Variants in ERBB4 observed in about 807,000 individuals in gnomAD.
The protein encoded by ERBB4 is erb-b2 receptor tyrosine kinase 4.
In ERBB4, 42 loss-of-function variants were observed where a neutral mutation model predicts 158.0. The ratio of observed to expected loss-of-function variants is 0.27; its 90% CI spans 0.21 to 0.34. The LOEUF (loss-of-function observed/expected upper bound fraction) is 0.34. Among genes scored for constraint, ERBB4 ranks in the 10% least tolerant of loss-of-function variants. The probability of loss-of-function intolerance (pLI) is 1.00; values close to 1 mark genes in which losing one functional copy is unlikely to be tolerated. For missense variants in ERBB4, 1,333 were observed against 1,624.1 expected (o/e 0.82, Z 3.08); for synonymous variants, 583 against 558.7 (o/e 1.04, Z -0.61).
intron 2 of ERBB4, among the ~76,000 whole-genome samples, chr2:212,100,542 C>T (rs2079053729): frequency 6.6e-6 from 1 of 152,174 alleles, no homozygotes; most frequent in South Asian, 2.1e-4. Flanking sequence ...AACAGAACTA[C>T]AGTAAATTGG....
At chr2:212,010,736 A>C (rs557234718) in intron 2 of ERBB4, among the ~76,000 whole-genome samples, 1 of 152,176 alleles carries the variant, frequency 6.6e-6, no homozygotes, top group Admixed American at 6.5e-5. Flanking sequence ...TCCCCACCCT[A>C]GTAAGCCTGA....
At chr2:212,481,508 G>C (rs1689696545) in intron 1 of ERBB4, among the ~76,000 whole-genome samples, 1 of 152,080 alleles carries the variant, frequency 6.6e-6, no homozygotes, top group South Asian at 2.1e-4. Context: ...AGCTCTAAAA[G>C]AAGTCACTGA....
At chr2:211,565,294 A>G (rs1203211336) in intron 19 of ERBB4, among the ~76,000 whole-genome samples, 1 of 128,714 alleles carries the variant, frequency 7.8e-6, no homozygotes, top group Non-Finnish European at 1.6e-5. Flanking sequence ...CTGTGGGAAG[A>G]TGGGACAGAG....
intron 1 of ERBB4, among the ~76,000 whole-genome samples, chr2:212,188,500 A>T (rs1464416263): frequency 6.6e-6 from 1 of 151,784 alleles, no homozygotes; most frequent in East Asian, 1.9e-4. Flanking sequence ...TTAAAAACAG[A>T]AAAGCTAATG....
At chr2:211,483,189 A>G (rs2065127241) in intron 20 of ERBB4, among the ~76,000 whole-genome samples, 2 of 152,146 alleles carry the variant, frequency 1.3e-5, no homozygotes, top group African/African-American at 4.8e-5. Flanking sequence ...AAAATAACAC[A>G]GAAAATACGT....
intron 1 of ERBB4, among the ~76,000 whole-genome samples, chr2:212,193,790 T>C (rs1444681617): frequency 6.6e-6 from 1 of 152,104 alleles, no homozygotes; most frequent in Non-Finnish European, 1.5e-5. Context: ...CCTAGGGATG[T>C]ATGTAGATGA....
intron 2 of ERBB4, among the ~76,000 whole-genome samples, chr2:212,094,191 C>T (rs1311003113): frequency 6.6e-6 from 1 of 151,424 alleles, no homozygotes; most frequent in Non-Finnish European, 1.5e-5. Context: ...TTGGTGCCCG[C>T]CCTGTGGTCA....
intron 3 of ERBB4, among the ~76,000 whole-genome samples, chr2:211,809,538 C>G (rs1461210928): frequency 6.6e-6 from 1 of 151,928 alleles, no homozygotes; most frequent in Admixed American, 6.6e-5. Context: ...TGGTGATATC[C>G]CCTTTATCGT....
chr2:211,569,353 C>A (rs189706597), intron 19 of ERBB4, among the ~76,000 whole-genome samples: 2 of 152,248 alleles, frequency 1.3e-5, no homozygotes, highest in Non-Finnish European at 2.9e-5. Context: ...ATTTCTTCAC[C>A]TAAAAATGTT....
chr2:211,575,913 C>T (rs1054192559), intron 19 of ERBB4, among the ~76,000 whole-genome samples: 2 of 151,922 alleles, frequency 1.3e-5, no homozygotes, highest in African/African-American at 2.4e-5. Flanking sequence ...ATTTTTATCT[C>T]CTCTACTTTT....
chr2:211,483,250 CTAAA>C (rs1368084091), intron 20 of ERBB4, among the ~76,000 whole-genome samples: 2 of 151,702 alleles, frequency 1.3e-5, no homozygotes, highest in Non-Finnish European at 2.9e-5. Context: ...ATTATAGTCA[CTAAA>C]TGAGAGGGAT....
chr2:212,113,787 G>A (rs544589414), intron 2 of ERBB4, among the ~76,000 whole-genome samples: 234 of 152,034 alleles, frequency 1.5e-3, no homozygotes, highest in African/African-American at 5.3e-3. Context: ...TATAAGCTAA[G>A]TATCCCATGT....
chr2:212,338,551 G>A (rs923757083), intron 1 of ERBB4, among the ~76,000 whole-genome samples: 2 of 152,030 alleles, frequency 1.3e-5, no homozygotes, highest in African/African-American at 4.8e-5. Flanking sequence ...TTCTCTTAAT[G>A]TCATCACATG....
intron 20 of ERBB4, among the ~76,000 whole-genome samples, chr2:211,547,143 T>C (rs764675664): frequency 6.6e-6 from 1 of 152,138 alleles, no homozygotes; most frequent in South Asian, 2.1e-4. Flanking sequence ...ACTGCACTTA[T>C]AGTTATACAA....
chr2:212,101,348 T>TACATATATATATATATAC (rs2079075691), intron 2 of ERBB4, among the ~76,000 whole-genome samples: 2 of 94,306 alleles, frequency 2.1e-5, no homozygotes, highest in African/African-American at 6.5e-5. Flanking sequence ...ACACACCCTA[T>TACATATATATATATATAC]ACATATATAT....
intron 2 of ERBB4, among the ~76,000 whole-genome samples, chr2:212,015,312 T>C: frequency 6.6e-6 from 1 of 151,738 alleles, no homozygotes; most frequent in African/African-American, 2.4e-5. Flanking sequence ...TCCTTCCTCT[T>C]CCAATTCACT....
chr2:211,417,597 T>TAA (rs2063422139), intron 25 of ERBB4, among the ~76,000 whole-genome samples: 1 of 152,226 alleles, frequency 6.6e-6, no homozygotes. Context: ...TGGACAAATA[T>TAA]AAACATTGTA....
At chr2:211,510,767 C>A (rs917529614) in intron 20 of ERBB4, among the ~76,000 whole-genome samples, 2 of 151,976 alleles carry the variant, frequency 1.3e-5, no homozygotes, top group African/African-American at 4.8e-5. Context: ...TATTCAGAAG[C>A]TTGCCATTTT....
chr2:212,392,051 T>G (rs1209757216), intron 1 of ERBB4, among the ~76,000 whole-genome samples: 1 of 151,628 alleles, frequency 6.6e-6, no homozygotes, highest in Non-Finnish European at 1.5e-5. Flanking sequence ...TTGGCACATT[T>G]TATTGGTTAC....
Sources: gnomAD v4.1 joint callset for allele counts (sites outside exome capture counted in the v4.1 genomes callset) on GRCh38, gnomAD v4.1.1 for gene constraint, MANE v1.5 for transcripts, NCBI Gene and HGNC (gene_info 2026-07-23, HGNC 2026-07-21) for gene names.